PLCB4: variants seen among roughly 807,000 people sequenced by gnomAD.
PLCB4 encodes the protein phospholipase C beta 4, also known as 1-phosphatidylinositol 4,5-bisphosphate phosphodiesterase beta-4.
Under a neutral mutation model 178.8 loss-of-function variants are expected in PLCB4, and 77 were observed. The observed-to-expected ratio is 0.43, with a 90% CI of 0.36 to 0.52. PLCB4 has a LOEUF of 0.52. Among genes scored for constraint, PLCB4 ranks in the 20% least tolerant of loss-of-function variants. The probability of loss-of-function intolerance (pLI) is 0.00; values close to 1 mark genes in which losing one functional copy is unlikely to be tolerated. For synonymous variants in PLCB4, 496 were observed against 490.8 expected (o/e 1.01, Z -0.14); for missense variants, 1,024 against 1,453.4 (o/e 0.70, Z 4.80).
intron 2 of PLCB4, among the ~76,000 whole-genome samples, chr20:9,171,499 A>G (rs2093063581): frequency 6.6e-6 from 1 of 152,218 alleles, no homozygotes; most frequent in Admixed American, 6.5e-5. Context: ...CCAGAACAAC[A>G]AGAATCTGTA....
intron 18 of PLCB4, among the ~76,000 whole-genome samples, chr20:9,394,994 T>A (rs1812514672): frequency 6.6e-6 from 1 of 152,232 alleles, no homozygotes; most frequent in Admixed American, 6.5e-5. Context: ...CTATGTGTTT[T>A]CCCATTTTTA....
At chr20:9,097,193 C>T (rs893723458) in intron 2 of PLCB4, among the ~76,000 whole-genome samples, 7 of 148,746 alleles carry the variant, frequency 4.7e-5, no homozygotes, top group South Asian at 4.2e-4. Flanking sequence ...CCCCGGCCTC[C>T]GAAAGTGCTG....
chr20:9,157,371 C>A (rs1315732540), intron 2 of PLCB4, among the ~76,000 whole-genome samples: 1 of 152,152 alleles, frequency 6.6e-6, no homozygotes. Context: ...TCTTGGGATG[C>A]TGCATGAATT....
chr20:9,084,443 A>T (rs1305750572), intron 1 of PLCB4, among the ~76,000 whole-genome samples: 1 of 152,214 alleles, frequency 6.6e-6, no homozygotes, highest in African/African-American at 2.4e-5. Flanking sequence ...TTTTCTTAAC[A>T]TATTAACAGT....
intron 7 of PLCB4, among the ~76,000 whole-genome samples, chr20:9,350,926 GTAA>G (rs1217303575): frequency 6.6e-6 from 1 of 152,164 alleles, no homozygotes; most frequent in Non-Finnish European, 1.5e-5. Context: ...TCTTTCACCT[GTAA>G]CACTGTGTGA....
At chr20:9,156,484 G>C (rs2092790412) in intron 2 of PLCB4, among the ~76,000 whole-genome samples, 2 of 152,116 alleles carry the variant, frequency 1.3e-5, no homozygotes, top group Non-Finnish European at 2.9e-5. Context: ...TAGCACTGCA[G>C]ACCTGTTTCA....
At chr20:9,261,231 A>C (rs76845316) in intron 3 of PLCB4, among the ~76,000 whole-genome samples, 5,200 of 151,996 alleles carry the variant, frequency 0.034, 320 homozygotes, top group African/African-American at 0.12. Context: ...TAATTTGCTG[A>C]GTGTAGACCA....
chr20:9,088,516 C>G (rs923263323), intron 1 of PLCB4, among the ~76,000 whole-genome samples: 1 of 152,196 alleles, frequency 6.6e-6, no homozygotes, highest in Non-Finnish European at 1.5e-5. Context: ...CTGCCACACT[C>G]TGTAAGCTCC....
chr20:9,333,592 C>A (rs1477130064), intron 4 of PLCB4, among the ~76,000 whole-genome samples: 1 of 152,026 alleles, frequency 6.6e-6, no homozygotes, highest in African/African-American at 2.4e-5. Flanking sequence ...GGATTTTATC[C>A]TAAATATGAT....
At chr20:9,094,160 TTAAC>T (rs1405756489) in intron 1 of PLCB4, among the ~76,000 whole-genome samples, 2 of 152,176 alleles carry the variant, frequency 1.3e-5, no homozygotes, top group East Asian at 3.8e-4. Flanking sequence ...AAAGGTGTAT[TTAAC>T]TACCTACAAT....
intron 2 of PLCB4, among the ~76,000 whole-genome samples, chr20:9,168,916 G>C (rs1018213643): frequency 6.3e-5 from 8 of 126,292 alleles, no homozygotes; most frequent in South Asian, 2.5e-4. Flanking sequence ...ACTCCTGCCT[G>C]TCAGCCCAAG....
chr20:9,369,251 C>G (rs951892135), intron 9 of PLCB4, among the ~76,000 whole-genome samples: 5 of 152,202 alleles, frequency 3.3e-5, no homozygotes, highest in African/African-American at 1.2e-4. Flanking sequence ...CCAAACCTAA[C>G]AGAGGCTTCA....
chr20:9,133,294 C>G (rs569932418), intron 2 of PLCB4, among the ~76,000 whole-genome samples: 1 of 152,124 alleles, frequency 6.6e-6, no homozygotes, highest in East Asian at 1.9e-4. Context: ...TTGAGATGGT[C>G]TCTCGCTCTG....
At chr20:9,236,562 G>A (rs1334231777) in intron 3 of PLCB4, among the ~76,000 whole-genome samples, 2 of 152,112 alleles carry the variant, frequency 1.3e-5, no homozygotes, top group African/African-American at 4.8e-5. Flanking sequence ...GTGTGTGTCT[G>A]TAGTGGAGAC....
intron 17 of PLCB4, among the ~76,000 whole-genome samples, chr20:9,391,929 T>C (rs2038181777): frequency 6.6e-6 from 1 of 152,234 alleles, no homozygotes; most frequent in South Asian, 2.1e-4. Flanking sequence ...GAGCTGCCTG[T>C]CTTCTTTTTC....
intron 12 of PLCB4, among the ~76,000 whole-genome samples, chr20:9,378,506 C>T (rs773112821): frequency 1.3e-4 from 20 of 152,128 alleles, no homozygotes; most frequent in Non-Finnish European, 2.4e-4. Context: ...TAGTGGGCTC[C>T]ATTGCACGAT....
chr20:9,245,011 C>G (rs1601406661), intron 3 of PLCB4, among the ~76,000 whole-genome samples: 1 of 152,110 alleles, frequency 6.6e-6, no homozygotes, highest in South Asian at 2.1e-4. Flanking sequence ...GCAAGAGCAG[C>G]CTTCTCCTTC....
chr20:9,142,757 A>C (rs1242974075), intron 2 of PLCB4, among the ~76,000 whole-genome samples: 1 of 152,092 alleles, frequency 6.6e-6, no homozygotes, highest in Non-Finnish European at 1.5e-5. Flanking sequence ...GCCCATCTGC[A>C]GTCTGTTCTC....
At chr20:9,210,221 AG>A (rs1376087120) in intron 2 of PLCB4, among the ~76,000 whole-genome samples, 2 of 152,194 alleles carry the variant, frequency 1.3e-5, no homozygotes, top group Non-Finnish European at 2.9e-5. Flanking sequence ...TCCTCTAAAG[AG>A]CCCTGTTTTG....
Sources: allele counts gnomAD v4.1 joint callset (sites outside exome capture counted in the v4.1 genomes callset), GRCh38; gene constraint gnomAD v4.1.1; transcripts MANE v1.5; gene names NCBI Gene and HGNC (gene_info 2026-07-23, HGNC 2026-07-21).